Variants in MIR2052HG observed in about 807,000 individuals in gnomAD.
MIR2052HG encodes MIR2052 host gene.
chr8:74,725,091 ATGGAGAAGCT>A (rs1809620330), intron 4 of MIR2052HG, among the ~76,000 whole-genome samples: 1 of 152,236 alleles, frequency 6.6e-6, no homozygotes, highest in Admixed American at 6.5e-5. Flanking sequence ...AGAATATAGA[ATGGAGAAGCT>A]TGCTCAAACT....
chr8:74,678,528 A>C (rs112894565), intron 2 of MIR2052HG, among the ~76,000 whole-genome samples: 2,140 of 137,852 alleles, frequency 0.016, 24 homozygotes, highest in Non-Finnish European at 0.023. Flanking sequence ...GTGCCATTGC[A>C]CTCCAGCCTG....
At chr8:74,654,634 A>G (rs1371839235) in intron 2 of MIR2052HG, among the ~76,000 whole-genome samples, 1 of 152,150 alleles carries the variant, frequency 6.6e-6, no homozygotes, top group African/African-American at 2.4e-5. Context: ...GCGTCCTGCC[A>G]TGATTCTGAG....
At chr8:74,605,966 C>T (rs1360449420) in intron 1 of MIR2052HG, among the ~76,000 whole-genome samples, 5 of 152,182 alleles carry the variant, frequency 3.3e-5, no homozygotes, top group South Asian at 2.1e-4. Flanking sequence ...AGACGGCTAA[C>T]ACTCAAAGTT....
At chr8:74,740,003 T>A (rs1225695285) in intron 4 of MIR2052HG, among the ~76,000 whole-genome samples, 1 of 152,224 alleles carries the variant, frequency 6.6e-6, no homozygotes. Context: ...ATTATTTATA[T>A]AACTAAAATA....
At chr8:74,615,805 C>T (rs919262669) in intron 2 of MIR2052HG, among the ~76,000 whole-genome samples, 2 of 152,052 alleles carry the variant, frequency 1.3e-5, no homozygotes, top group Non-Finnish European at 2.9e-5. Flanking sequence ...TGTTCCCCAC[C>T]CTGTGTCCAA....
intron 4 of MIR2052HG, among the ~76,000 whole-genome samples, chr8:74,727,515 A>T (rs1461760380): frequency 6.6e-6 from 1 of 152,014 alleles, no homozygotes; most frequent in East Asian, 1.9e-4. Context: ...CGATGTTCAG[A>T]TCTTCTGTGA....
chr8:74,743,397 G>A (rs1405062366), intron 4 of MIR2052HG, among the ~76,000 whole-genome samples: 1 of 152,130 alleles, frequency 6.6e-6, no homozygotes, highest in Non-Finnish European at 1.5e-5. Flanking sequence ...ATCAAAATGA[G>A]AGGTCATGGA....
chr8:74,666,583 C>T (rs1482393338), intron 2 of MIR2052HG, among the ~76,000 whole-genome samples: 1 of 152,122 alleles, frequency 6.6e-6, no homozygotes, highest in Non-Finnish European at 1.5e-5. Context: ...ACATGATGAC[C>T]TCAATGTATA....
At chr8:74,600,778 G>T (rs907974624) in intron 1 of MIR2052HG, among the ~76,000 whole-genome samples, 2 of 151,958 alleles carry the variant, frequency 1.3e-5, no homozygotes, top group Non-Finnish European at 2.9e-5. Context: ...GTTTCACCAT[G>T]TTGGCCAGGA....
chr8:74,643,220 T>G (rs574377658), intron 2 of MIR2052HG, among the ~76,000 whole-genome samples: 1 of 152,288 alleles, frequency 6.6e-6, no homozygotes, highest in South Asian at 2.1e-4. Context: ...GTGCATTCAG[T>G]AATGGTTTTT....
chr8:74,670,333 G>A (rs1808977471), intron 2 of MIR2052HG, among the ~76,000 whole-genome samples: 2 of 152,016 alleles, frequency 1.3e-5, no homozygotes, highest in South Asian at 2.1e-4. Flanking sequence ...TTAAGTTAGA[G>A]GTAAAAGACA....
chr8:74,612,035 C>T (rs1401723030), intron 1 of MIR2052HG, among the ~76,000 whole-genome samples: 4 of 151,658 alleles, frequency 2.6e-5, no homozygotes, highest in Non-Finnish European at 4.4e-5. Context: ...TGAACAGAGT[C>T]TTATCTTCAA....
chr8:74,748,670 C>T (rs1014686323), intron 4 of MIR2052HG, among the ~76,000 whole-genome samples: 2 of 152,156 alleles, frequency 1.3e-5, no homozygotes, highest in African/African-American at 4.8e-5. Context: ...CACAGAAAAT[C>T]AGTAACCTGC....
At chr8:74,702,520 G>A in intron 3 of MIR2052HG, 2 of 364,698 alleles carry the variant, frequency 5.5e-6, no homozygotes, top group Non-Finnish European at 1.2e-5. Flanking sequence ...ACTAGAATTG[G>A]GGAATGGAAT....
At chr8:74,600,186 TTCTG>T (rs1807972565) in intron 1 of MIR2052HG, among the ~76,000 whole-genome samples, 1 of 152,136 alleles carries the variant, frequency 6.6e-6, no homozygotes, top group Non-Finnish European at 1.5e-5. Context: ...ATCACCCTTC[TTCTG>T]CGTCACTCAC....
intron 2 of MIR2052HG, among the ~76,000 whole-genome samples, chr8:74,621,480 C>T (rs1449988931): frequency 1.3e-5 from 2 of 152,098 alleles, no homozygotes; most frequent in Non-Finnish European, 2.9e-5. Flanking sequence ...GCTTGGGAGG[C>T]CTCAGGAAAC....
chr8:74,602,829 C>CTTTCTTTCTTTCTTTCTTTCTTTCTTTCT (rs1563508474), intron 1 of MIR2052HG, among the ~76,000 whole-genome samples: 1 of 130,924 alleles, frequency 7.6e-6, no homozygotes, highest in African/African-American at 3.0e-5. Flanking sequence ...TTCTTTCTTT[C>CTTTCTTTCTTTCTTTCTTTCTTTCTTTCT]TTTCTTTCTT....
intron 3 of MIR2052HG, chr8:74,702,542 C>A: frequency 3.9e-6 from 1 of 255,332 alleles, no homozygotes; most frequent in Non-Finnish European, 8.7e-6. Context: ...TACATGTAAG[C>A]CAGATTCAAA....
intron 4 of MIR2052HG, among the ~76,000 whole-genome samples, chr8:74,719,849 C>CTTTTTT (rs10647233): frequency 5.6e-5 from 6 of 106,740 alleles, no homozygotes; most frequent in Admixed American, 1.2e-4. Context: ...TTTCTTTTTT[C>CTTTTTT]TTTTTTTTTT....
Sources: allele counts gnomAD v4.1 joint callset (sites outside exome capture counted in the v4.1 genomes callset), GRCh38; gene constraint gnomAD v4.1.1; transcripts MANE v1.5; gene names NCBI Gene and HGNC (gene_info 2026-07-23, HGNC 2026-07-21).